PRKN: variants seen among roughly 807,000 people sequenced by gnomAD.
PRKN encodes the protein parkin RBR E3 ubiquitin protein ligase, also known as E3 ubiquitin-protein ligase parkin.
Under a neutral mutation model 59.5 loss-of-function variants are expected in PRKN, and 56 were observed. The ratio of observed to expected loss-of-function variants is 0.94; its 90% CI spans 0.76 to 1.18. The LOEUF (loss-of-function observed/expected upper bound fraction) is 1.18. Among genes scored for constraint, PRKN ranks in the 50% most tolerant of loss-of-function variants. The probability of loss-of-function intolerance (pLI) is 0.00; values close to 1 mark genes in which losing one functional copy is unlikely to be tolerated. For missense variants in PRKN, 657 were observed against 596.4 expected (o/e 1.10, Z -1.06); for synonymous variants, 250 against 222.1 (o/e 1.13, Z -1.12).
At chr6:162,677,340 C>T (rs1779592135) in intron 1 of PRKN, among the ~76,000 whole-genome samples, 1 of 151,790 alleles carries the variant, frequency 6.6e-6, no homozygotes, top group Admixed American at 6.6e-5. Context: ...TGATGGAAGA[C>T]TTCCTTTTGC....
chr6:162,269,444 T>C (rs1207983512), intron 2 of PRKN, among the ~76,000 whole-genome samples: 1 of 152,220 alleles, frequency 6.6e-6, no homozygotes, highest in Non-Finnish European at 1.5e-5. Flanking sequence ...GAGCCAGGCC[T>C]GCAGCCTCAG....
intron 6 of PRKN, among the ~76,000 whole-genome samples, chr6:161,963,678 CAATT>C (rs1229533178): frequency 3.3e-5 from 5 of 152,168 alleles, no homozygotes; most frequent in South Asian, 2.1e-4. Context: ...ATAATTAACT[CAATT>C]AGTCTATTAA....
chr6:161,382,447 G>A (rs569828200), intron 10 of PRKN, among the ~76,000 whole-genome samples: 18 of 152,234 alleles, frequency 1.2e-4, no homozygotes, highest in African/African-American at 4.1e-4. Context: ...TCTCTTCTGC[G>A]GCTTTAGAGA....
At chr6:162,378,204 T>G (rs1055258339) in intron 2 of PRKN, among the ~76,000 whole-genome samples, 1 of 152,182 alleles carries the variant, frequency 6.6e-6, no homozygotes, top group East Asian at 1.9e-4. Context: ...AGACAGAAAT[T>G]TAAAGGGAAA....
rs562101735 is a variant in PRKN, at chr6:162,461,925, A to C, written c.8-18452T>G. Among the ~76,000 whole-genome samples the C allele has an allele frequency of 2.0e-5, 3 of 152,322 alleles. No homozygotes were observed. In the East Asian group the frequency reaches 5.8e-4, roughly 29 times the overall value. Reference sequence around the variant, plus strand: ...AATATAGGAATGATAGAGAAAAATAAGTAGGGGATTTCCAGGTAGAGATTT... The same window carrying C: ...AATATAGGAATGATAGAGAAAAATACGTAGGGGATTTCCAGGTAGAGATTT... On this transcript the variant is annotated intron_variant, in intron 1 of 11. Transcript: ENST00000366898.
At chr6:162,373,021 T>A (rs1042556732) in intron 2 of PRKN, among the ~76,000 whole-genome samples, 1 of 152,104 alleles carries the variant, frequency 6.6e-6, no homozygotes, top group African/African-American at 2.4e-5. Flanking sequence ...CTTTTTCAGG[T>A]CAATTCCCTT....
chr6:162,476,057 CTTT>C (rs765988655), intron 1 of PRKN, among the ~76,000 whole-genome samples: 3 of 113,012 alleles, frequency 2.7e-5, no homozygotes, highest in Non-Finnish European at 5.2e-5. Context: ...TAACACCACT[CTTT>C]TTTTTTTTTT....
At chr6:162,478,945 A>G (rs894082534) in intron 1 of PRKN, among the ~76,000 whole-genome samples, 1 of 152,190 alleles carries the variant, frequency 6.6e-6, no homozygotes, top group Admixed American at 6.5e-5. Context: ...TGGCGAGTGA[A>G]TGGGAAGACC....
chr6:161,439,684 G>A (rs150749622), intron 9 of PRKN, among the ~76,000 whole-genome samples: 2 of 139,690 alleles, frequency 1.4e-5, no homozygotes, highest in African/African-American at 2.7e-5. Flanking sequence ...GTGTACCTTT[G>A]GTGAAACAAG....
intron 6 of PRKN, among the ~76,000 whole-genome samples, chr6:161,944,070 ATCAGCCTG>A (rs1779688044): frequency 6.9e-6 from 1 of 145,782 alleles, no homozygotes; most frequent in East Asian, 2.3e-4. Flanking sequence ...AGCCTGAGGG[ATCAGCCTG>A]AGGGACCAGC....
chr6:161,917,687 CA>C (rs1778621755), intron 6 of PRKN, among the ~76,000 whole-genome samples: 1 of 152,154 alleles, frequency 6.6e-6, no homozygotes, highest in Non-Finnish European at 1.5e-5. Flanking sequence ...TTTAGGCACA[CA>C]ACAGCATAAT....
intron 1 of PRKN, among the ~76,000 whole-genome samples, chr6:162,525,120 A>T (rs2846482): frequency 1.3e-5 from 2 of 152,040 alleles, no homozygotes; most frequent in African/African-American, 2.4e-5. Context: ...CCCAGCCCAC[A>T]CCTGGGCTCC....
At chr6:162,631,426 T>C (rs974429467) in intron 1 of PRKN, among the ~76,000 whole-genome samples, 7 of 152,162 alleles carry the variant, frequency 4.6e-5, no homozygotes, top group African/African-American at 1.7e-4. Flanking sequence ...AAGGGTGCTT[T>C]AAGAATTGAT....
At chr6:162,247,376 T>C (rs964162785) in intron 3 of PRKN, among the ~76,000 whole-genome samples, 23 of 152,158 alleles carry the variant, frequency 1.5e-4, no homozygotes, top group Admixed American at 5.2e-4. Flanking sequence ...GTATATGAAA[T>C]GACACCGTGA....
chr6:162,301,989 T>C (rs75218227), intron 2 of PRKN, among the ~76,000 whole-genome samples: 6,355 of 152,214 alleles, frequency 0.042, 196 homozygotes, highest in Non-Finnish European at 0.065. Flanking sequence ...ACCAAACTCA[T>C]TGGCATCCTG....
chr6:162,351,281 G>A (rs983105791), intron 2 of PRKN, among the ~76,000 whole-genome samples: 5 of 152,160 alleles, frequency 3.3e-5, no homozygotes, highest in African/African-American at 1.2e-4. Flanking sequence ...GATTTGAATG[G>A]ACACTGCAGC....
intron 5 of PRKN, among the ~76,000 whole-genome samples, chr6:162,044,830 T>C (rs1784192820): frequency 6.6e-6 from 1 of 152,224 alleles, no homozygotes; most frequent in Non-Finnish European, 1.5e-5. Flanking sequence ...CCTTTGTGTT[T>C]TCTGAACTCC....
chr6:162,272,008 G>C (rs1488788029), intron 2 of PRKN, among the ~76,000 whole-genome samples: 2 of 152,284 alleles, frequency 1.3e-5, no homozygotes, highest in East Asian at 1.9e-4. Context: ...ACACTAATTA[G>C]CCAGTGCAGG....
chr6:162,578,090 T>G (rs542340633), intron 1 of PRKN, among the ~76,000 whole-genome samples: 15 of 152,252 alleles, frequency 9.9e-5, no homozygotes, highest in African/African-American at 3.6e-4. Flanking sequence ...GGCTGATATA[T>G]GGATATTCTC....
Sources: gnomAD v4.1 joint callset for allele counts (sites outside exome capture counted in the v4.1 genomes callset) on GRCh38, gnomAD v4.1.1 for gene constraint, MANE v1.5 for transcripts, NCBI Gene and HGNC (gene_info 2026-07-23, HGNC 2026-07-21) for gene names.